HTR1F: variants seen among roughly 807,000 people sequenced by gnomAD.
HTR1F encodes 5-hydroxytryptamine receptor 1F.
In HTR1F, 17 loss-of-function variants were observed where a neutral mutation model predicts 24.0. That is an observed-to-expected ratio of 0.71 (90% CI 0.48 to 1.06). The LOEUF (loss-of-function observed/expected upper bound fraction) is 1.06. HTR1F is among the 50% of genes least tolerant of loss of function. HTR1F has a pLI of 0.00. For synonymous variants in HTR1F, 186 were observed against 156.8 expected, an observed-to-expected ratio of 1.19 and a Z score of -1.39; for missense variants, 391 against 427.8, an observed-to-expected ratio of 0.91 and a Z score of 0.76.
At chr3:87,848,497 G>T (rs1436851536) in intron 2 of HTR1F, among the ~76,000 whole-genome samples, 1 of 151,728 alleles carries the variant, frequency 6.6e-6, no homozygotes, top group South Asian at 2.1e-4. Flanking sequence ...CTGTGCAGAA[G>T]CTTTTTAGGT....
chr3:87,893,445 T>C (rs1559621601), intron 2 of HTR1F, among the ~76,000 whole-genome samples: 1 of 152,210 alleles, frequency 6.6e-6, no homozygotes, highest in Non-Finnish European at 1.5e-5. Flanking sequence ...TAATACATCC[T>C]TAGATTCCAC....
intron 2 of HTR1F, among the ~76,000 whole-genome samples, chr3:87,951,322 G>C (rs1259349293): frequency 6.6e-6 from 1 of 152,096 alleles, no homozygotes; most frequent in Non-Finnish European, 1.5e-5. Context: ...ACACTGTACA[G>C]TTTAGATGTA....
intron 2 of HTR1F, among the ~76,000 whole-genome samples, chr3:87,935,151 AACC>A (rs1400995055): frequency 3.9e-5 from 6 of 152,200 alleles, no homozygotes; most frequent in Admixed American, 2.6e-4. Flanking sequence ...TACAGGTGTG[AACC>A]ACCATCTCTG....
Position 87,866,815 on chromosome 3 carries a change from CGT to C in HTR1F, c.-43+44693_-43+44694del, listed in dbSNP as rs370665620. Among the ~76,000 whole-genome samples the C allele has an allele frequency of 5.9e-3, 582 of 99,120 alleles. 8 individuals carry two copies. The highest frequency in any genetic ancestry group is 0.048 in the African/African-American group (561 of 11,594). 65.0% of individuals were successfully genotyped at this position (99,120 alleles called of 152,430 possible). On this transcript the variant is annotated intron_variant, in intron 2 of 2. Coordinates refer to ENST00000319595, the MANE Select transcript of HTR1F (RefSeq NM_001322209.2). ...AGAGGTGTACATGGGCACAAGTGTG[CGT>C]GCGTGTGTGTGTGTGTGTGTGTGTG...
At chr3:87,881,471 C>T (rs1280946580) in intron 2 of HTR1F, among the ~76,000 whole-genome samples, 1 of 152,160 alleles carries the variant, frequency 6.6e-6, no homozygotes, top group East Asian at 1.9e-4. Context: ...GCAAGGCCTA[C>T]TGCCTCTGTT....
intron 1 of HTR1F, among the ~76,000 whole-genome samples, chr3:87,811,377 C>T (rs1214865570): frequency 6.6e-6 from 1 of 151,410 alleles, no homozygotes; most frequent in Non-Finnish European, 1.5e-5. Context: ...TAAAAAAGAG[C>T]AAAGAAGATC....
intron 2 of HTR1F, among the ~76,000 whole-genome samples, chr3:87,957,692 T>G (rs1704974777): frequency 1.3e-5 from 2 of 151,408 alleles, no homozygotes; most frequent in Admixed American, 1.3e-4. Context: ...TTGACATTAG[T>G]GTTCTTAATA....
chr3:87,885,882 C>T (rs145576831), intron 2 of HTR1F, among the ~76,000 whole-genome samples: 17 of 152,040 alleles, frequency 1.1e-4, no homozygotes, highest in South Asian at 4.2e-4. Context: ...CAGGACCAGA[C>T]GGATTCTCAG....
intron 1 of HTR1F, among the ~76,000 whole-genome samples, chr3:87,805,514 A>G (rs758770086): frequency 3.9e-5 from 6 of 152,056 alleles, no homozygotes; most frequent in Admixed American, 6.6e-5. Flanking sequence ...TTGATGTATA[A>G]TATTTTACAT....
intron 2 of HTR1F, among the ~76,000 whole-genome samples, chr3:87,895,908 G>T (rs1013465334): frequency 6.6e-6 from 1 of 152,154 alleles, no homozygotes; most frequent in African/African-American, 2.4e-5. Flanking sequence ...AGAAACACTG[G>T]CAGGTGGTGT....
intron 2 of HTR1F, among the ~76,000 whole-genome samples, chr3:87,888,429 G>A (rs1380337214): frequency 1.3e-5 from 2 of 151,388 alleles, no homozygotes; most frequent in East Asian, 1.9e-4. Context: ...TACCAAACCT[G>A]CACATTGTAC....
At chr3:87,957,230 T>A (rs1704963912) in intron 2 of HTR1F, among the ~76,000 whole-genome samples, 1 of 151,386 alleles carries the variant, frequency 6.6e-6, no homozygotes, top group Admixed American at 6.6e-5. Flanking sequence ...TATATCTCTT[T>A]CATTCTCTTA....
intron 2 of HTR1F, among the ~76,000 whole-genome samples, chr3:87,865,342 C>T (rs532696646): frequency 1.3e-5 from 2 of 151,910 alleles, no homozygotes; most frequent in Non-Finnish European, 2.9e-5. Context: ...ATTAAAAATG[C>T]ACAGATAACA....
chr3:87,808,140 T>G (rs1305244619), intron 1 of HTR1F, among the ~76,000 whole-genome samples: 7 of 151,972 alleles, frequency 4.6e-5, no homozygotes, highest in Admixed American at 1.3e-4. Flanking sequence ...ATGGAATAAG[T>G]TAGGTAGAAT....
intron 2 of HTR1F, among the ~76,000 whole-genome samples, chr3:87,827,114 T>C (rs1704480434): frequency 6.6e-6 from 1 of 151,264 alleles, no homozygotes; most frequent in South Asian, 2.1e-4. Context: ...ATCATTATTT[T>C]CTTTCTTTCT....
chr3:87,983,200 G>C (rs1705589929), intron 2 of HTR1F, among the ~76,000 whole-genome samples: 1 of 152,140 alleles, frequency 6.6e-6, no homozygotes. Flanking sequence ...AAGCCAAAAA[G>C]TTAAGTGTAC....
chr3:87,805,750 C>A (rs2932287), intron 1 of HTR1F, among the ~76,000 whole-genome samples: 25 of 151,888 alleles, frequency 1.6e-4, no homozygotes, highest in Non-Finnish European at 3.2e-4. Flanking sequence ...CTACGGCACA[C>A]GTTTACCCGT....
chr3:87,958,437 C>T lies in HTR1F; in HGVS notation c.-42-32271C>T, dbSNP rs139657853. Among the ~76,000 whole-genome samples, 424 of 151,716 alleles carry T rather than the reference C, an allele frequency of 2.8e-3. 1 individual carries two copies. The highest frequency in any genetic ancestry group is 0.014 in the Middle Eastern group (4 of 292). On this transcript the variant is annotated intron_variant, in intron 2 of 2. Transcript: ENST00000319595. ...TTAATTCTGTGTGCCCTTGAGTACA[C>T]TGACTCCCCAAGTAGGGTTGTTAGC...
chr3:87,888,318 G>T (rs1706003729), intron 2 of HTR1F, among the ~76,000 whole-genome samples: 1 of 152,232 alleles, frequency 6.6e-6, no homozygotes, highest in South Asian at 2.1e-4. Context: ...GGGGCCTGTT[G>T]TAGGGTGGGG....
Sources: allele counts gnomAD v4.1 joint callset (sites outside exome capture counted in the v4.1 genomes callset), GRCh38; gene constraint gnomAD v4.1.1; transcripts MANE v1.5; gene names NCBI Gene and HGNC (gene_info 2026-07-23, HGNC 2026-07-21).